The following OPCML variants were observed in gnomAD, a reference collection of about 807,000 sequenced individuals.
The protein encoded by OPCML is opioid binding protein/cell adhesion molecule like, also known as opioid-binding protein/cell adhesion molecule.
In OPCML, 13 loss-of-function variants were observed where a neutral mutation model predicts 37.8. The observed-to-expected ratio is 0.34, with a 90% CI of 0.22 to 0.55. The LOEUF is 0.55. Ranked by LOEUF, OPCML falls within the 20% of genes least tolerant of loss-of-function variation. The pLI is 0.91. For missense variants in OPCML, 341 were observed against 435.6 expected, an observed-to-expected ratio of 0.78 and a Z score of 1.93; for synonymous variants, 176 against 168.8, an observed-to-expected ratio of 1.04 and a Z score of -0.33.
chr11:133,296,106 A>G (rs998385365), intron 1 of OPCML, among the ~76,000 whole-genome samples: 1 of 152,230 alleles, frequency 6.6e-6, no homozygotes, highest in South Asian at 2.1e-4. Context: ...ATTAACCGCC[A>G]TGGAATGTAA....
At chr11:133,196,531 G>A (rs1938542389) in intron 1 of OPCML, among the ~76,000 whole-genome samples, 1 of 152,166 alleles carries the variant, frequency 6.6e-6, no homozygotes, top group Admixed American at 6.5e-5. Context: ...AGAGGGGATA[G>A]GTTGGTGACC....
chr11:132,923,377 A>G (rs1944879262), intron 2 of OPCML, among the ~76,000 whole-genome samples: 1 of 152,142 alleles, frequency 6.6e-6, no homozygotes, highest in South Asian at 2.1e-4. Context: ...ATCTTCCTGG[A>G]TTACTATGAC....
chr11:132,485,172 T>C (rs2096195657), intron 4 of OPCML, among the ~76,000 whole-genome samples: 1 of 152,082 alleles, frequency 6.6e-6, no homozygotes, highest in African/African-American at 2.4e-5. Flanking sequence ...TGTCTAGGTA[T>C]TAAAAATTTT....
At chr11:132,799,789 T>G (rs1004304370) in intron 2 of OPCML, among the ~76,000 whole-genome samples, 2 of 152,198 alleles carry the variant, frequency 1.3e-5, no homozygotes, top group Non-Finnish European at 2.9e-5. Flanking sequence ...TGCCTGTTTA[T>G]GTCTGTTCTT....
At chr11:133,201,703 G>T (rs1385310246) in intron 1 of OPCML, among the ~76,000 whole-genome samples, 1 of 152,204 alleles carries the variant, frequency 6.6e-6, no homozygotes, top group East Asian at 1.9e-4. Flanking sequence ...TGAGGTAGCA[G>T]AATAGCAGAA....
intron 1 of OPCML, among the ~76,000 whole-genome samples, chr11:132,996,846 A>G (rs754627901): frequency 6.6e-6 from 1 of 152,174 alleles, no homozygotes; most frequent in Non-Finnish European, 1.5e-5. Context: ...TTTTAAACAT[A>G]TAATTGATTC....
Position 132,417,502 on chromosome 11 carries a change from G to T in OPCML, c.*2691C>A, listed in dbSNP as rs550748617. ...GCATCTTAGTATCCTTTGGAAGGGG[G>T]AACAGCAGGGTTCCATAGTGGCCCT... On this transcript the variant is annotated 3_prime_UTR_variant, in exon 8 of 8. Transcript: ENST00000524381. 1 of 152,346 alleles carries T rather than the reference G, an allele frequency of 6.6e-6. No homozygotes were observed. The highest frequency in any genetic ancestry group is 6.5e-5 in the Admixed American group (1 of 15,302). 9.4% of individuals were successfully genotyped at this position (152,346 alleles called of 1,614,324 possible). A position where few individuals can be genotyped will look rare whatever the true frequency, so the allele number is the denominator to read the frequency against.
intron 1 of OPCML, among the ~76,000 whole-genome samples, chr11:133,106,615 AG>A (rs1345375585): frequency 1.3e-5 from 2 of 152,244 alleles, no homozygotes; most frequent in African/African-American, 4.8e-5. Context: ...TGGTAAAGCC[AG>A]GATGAGGAAG....
At chr11:132,649,752 T>A (rs1347735970) in intron 3 of OPCML, among the ~76,000 whole-genome samples, 5 of 152,146 alleles carry the variant, frequency 3.3e-5, no homozygotes, top group African/African-American at 9.7e-5. Flanking sequence ...TATCTTTATA[T>A]ACTCGTATAC....
At chr11:132,635,449 G>T (rs1434763559) in intron 3 of OPCML, among the ~76,000 whole-genome samples, 2 of 151,024 alleles carry the variant, frequency 1.3e-5, no homozygotes, top group East Asian at 3.9e-4. Context: ...CAAAGCATAT[G>T]ATTTAGAAAA....
chr11:133,333,730 C>A (rs1943677401), intron 1 of OPCML, among the ~76,000 whole-genome samples: 1 of 152,104 alleles, frequency 6.6e-6, no homozygotes, highest in African/African-American at 2.4e-5. Context: ...AACATATTTG[C>A]AAACTATGCA....
chr11:133,031,828 C>T (rs983843272), intron 1 of OPCML, among the ~76,000 whole-genome samples: 1 of 152,170 alleles, frequency 6.6e-6, no homozygotes, highest in Non-Finnish European at 1.5e-5. Flanking sequence ...TAGAACCAAG[C>T]TTTCAAATGA....
chr11:132,603,688 A>G (rs1938080971), intron 3 of OPCML, among the ~76,000 whole-genome samples: 2 of 152,228 alleles, frequency 1.3e-5, no homozygotes, highest in African/African-American at 2.4e-5. Flanking sequence ...ATCATAGTGT[A>G]TAAATGGTGC....
intron 4 of OPCML, among the ~76,000 whole-genome samples, chr11:132,478,374 G>A (rs11819796): frequency 2.7e-4 from 41 of 152,314 alleles, no homozygotes; most frequent in African/African-American, 9.9e-4. Context: ...CACAGTAGGT[G>A]CTTAATAAGT....
intron 1 of OPCML, among the ~76,000 whole-genome samples, chr11:133,121,127 C>G (rs956348468): frequency 1.3e-5 from 2 of 152,064 alleles, no homozygotes; most frequent in African/African-American, 4.8e-5. Flanking sequence ...TCATGTTGGC[C>G]AGGATGGTCT....
chr11:133,026,486 C>T (rs1947557577), intron 1 of OPCML: 2 of 985,300 alleles, frequency 2.0e-6, no homozygotes, highest in Admixed American at 6.1e-5. Flanking sequence ...ATCCTCCACG[C>T]AGTAGGTTTT....
Position 132,921,237 on chromosome 11 carries a change from T to C in OPCML, c.146+21689A>G, listed in dbSNP as rs116926424. On this transcript the variant is annotated intron_variant, in intron 2 of 7. Coordinates refer to ENST00000524381, the MANE Select transcript of OPCML (RefSeq NM_001012393.5). ...TTGCTGCAGACATCATGGGTGATCATGGAAGACAAGTTCGCCTCCCTGTTT... is the reference window on the plus strand; with the variant it reads ...TTGCTGCAGACATCATGGGTGATCACGGAAGACAAGTTCGCCTCCCTGTTT... Among the ~76,000 whole-genome samples, 492 of 152,336 alleles carry C rather than the reference T, an allele frequency of 3.2e-3. 1 individual carries two copies. The highest frequency in any genetic ancestry group is 5.6e-3 in the Non-Finnish European group (380 of 68,036).
At chr11:132,767,295 G>A (rs1008064104) in intron 2 of OPCML, among the ~76,000 whole-genome samples, 6 of 152,108 alleles carry the variant, frequency 3.9e-5, no homozygotes, top group Admixed American at 3.9e-4. Context: ...GTGTGTGCAC[G>A]CACACATGTG....
chr11:133,163,979 C>A (rs942271994), intron 1 of OPCML, among the ~76,000 whole-genome samples: 1 of 152,314 alleles, frequency 6.6e-6, no homozygotes, highest in African/African-American at 2.4e-5. Context: ...TGTCCCTCCC[C>A]CTCTACCAAT....
Sources: gnomAD v4.1 joint callset for allele counts (sites outside exome capture counted in the v4.1 genomes callset) on GRCh38, gnomAD v4.1.1 for gene constraint, MANE v1.5 for transcripts, NCBI Gene and HGNC (gene_info 2026-07-23, HGNC 2026-07-21) for gene names.